Variants in JAK1 observed in about 807,000 individuals in gnomAD.
The protein encoded by JAK1 is tyrosine-protein kinase JAK1.
A neutral mutation model predicts 136.6 loss-of-function variants in JAK1; 16 were observed. That is an observed-to-expected ratio of 0.12 (90% CI 0.08 to 0.18). The LOEUF (loss-of-function observed/expected upper bound fraction) is 0.18. JAK1 is among the 10% of genes least tolerant of loss of function. JAK1 has a pLI of 1.00. For synonymous variants in JAK1, 492 were observed against 519.5 expected (o/e 0.95, Z 0.72); for missense variants, 859 against 1,450.1 (o/e 0.59, Z 6.62).
intron 1 of JAK1, among the ~76,000 whole-genome samples, chr1:64,965,075 T>C (rs1417342572): frequency 2.0e-5 from 3 of 152,194 alleles, no homozygotes; most frequent in Non-Finnish European, 2.9e-5. Context: ...CAAAATCTAC[T>C]GTGCCTATAC....
chr1:64,918,902 C>G (rs749985133), intron 1 of JAK1, among the ~76,000 whole-genome samples: 1 of 152,130 alleles, frequency 6.6e-6, no homozygotes, highest in Non-Finnish European at 1.5e-5. Flanking sequence ...TAAAGACCAT[C>G]TTGAATGGCA....
At chr1:65,043,700 A>ATTTTTTTTT (rs112982943) in intron 2 of JAK1, among the ~76,000 whole-genome samples, 4 of 101,244 alleles carry the variant, frequency 4.0e-5, no homozygotes, top group East Asian at 2.7e-4. Flanking sequence ...CACCTGGCTA[A>ATTTTTTTTT]TTTTTTTTTT....
rs528486490 is a variant in JAK1 at position 64,845,661 on chromosome 1, A to C, written c.1988-21T>G. On this transcript the variant is annotated intron_variant, in intron 14 of 24. Transcript: ENST00000342505. ...GATATCTGTAGGCATAAAAATAGCC[A>C]TGTCTGGAACCTGGTCTGTGGCACG... 31 of 1,613,870 alleles carry C rather than the reference A, an allele frequency of 1.9e-5. No individual in the cohort carries two copies. In the South Asian group the frequency reaches 3.4e-4, roughly 18 times the overall value.
chr1:64,892,530 C>T (rs140283640), intron 1 of JAK1, among the ~76,000 whole-genome samples: 4 of 152,266 alleles, frequency 2.6e-5, no homozygotes, highest in Non-Finnish European at 5.9e-5. Context: ...AGCAATCCTC[C>T]CATCTCAGCC....
intron 1 of JAK1, among the ~76,000 whole-genome samples, chr1:64,953,344 A>G (rs1288958266): frequency 2.0e-5 from 3 of 152,160 alleles, no homozygotes; most frequent in African/African-American, 7.2e-5. Flanking sequence ...TGAGAAAAAA[A>G]TAAGGCTCAA....
intron 2 of JAK1, among the ~76,000 whole-genome samples, chr1:64,997,659 C>A (rs556975195): frequency 6.6e-6 from 1 of 152,144 alleles, no homozygotes. Flanking sequence ...ACAAGGACAA[C>A]GGCATAATGG....
intron 1 of JAK1, among the ~76,000 whole-genome samples, chr1:64,926,216 C>T (rs745618219): frequency 1.3e-5 from 2 of 152,144 alleles, no homozygotes; most frequent in African/African-American, 2.4e-5. Flanking sequence ...CTCTCTCCTA[C>T]GGCCAGTGCT....
rs1654322281 is a variant in JAK1 at position 64,834,177 on chromosome 1, G to A, written c.*385C>T. 1 of 249,496 alleles carries A rather than the reference G, an allele frequency of 4.0e-6. No homozygotes were observed. Among genetic ancestry groups the A allele is most frequent in the African/African-American group, 2.2e-5 (1 of 45,670 alleles). 15.5% of individuals were successfully genotyped at this position (249,496 alleles called of 1,614,324 possible). On this transcript the variant is annotated 3_prime_UTR_variant, in exon 25 of 25. Transcript: ENST00000342505. The stretch of plus-strand genomic sequence containing the variant: ...AAACATTTCAGATCAGCTGGCAGCA[G>A]GGAAAAGCAATCATCTTCAGATATT...
intron 2 of JAK1, among the ~76,000 whole-genome samples, chr1:64,993,937 G>A (rs938539738): frequency 2.6e-5 from 4 of 152,060 alleles, no homozygotes; most frequent in Non-Finnish European, 4.4e-5. Flanking sequence ...ATGTGCCACC[G>A]CACCTGGCAC....
intron 1 of JAK1, among the ~76,000 whole-genome samples, chr1:64,941,531 T>C (rs898222456): frequency 6.6e-6 from 1 of 152,196 alleles, no homozygotes; most frequent in Non-Finnish European, 1.5e-5. Context: ...TCAACAATTA[T>C]TTCAAATTTC....
chr1:64,878,985 A>G (rs1644725957), intron 4 of JAK1, 40 bp downstream of exon 4: 2 of 1,603,034 alleles, frequency 1.2e-6, no homozygotes, highest in Non-Finnish European at 8.5e-7. Flanking sequence ...CCCTCAGTGC[A>G]GAGGGAGCCA....
At chr1:64,899,160 C>T (rs1433472306) in intron 1 of JAK1, among the ~76,000 whole-genome samples, 1 of 152,162 alleles carries the variant, frequency 6.6e-6, no homozygotes, top group African/African-American at 2.4e-5. Context: ...AGCTTAGAAA[C>T]ACTAAGTGAC....
At chr1:64,914,552 G>A (rs762407975) in intron 1 of JAK1, among the ~76,000 whole-genome samples, 8 of 152,114 alleles carry the variant, frequency 5.3e-5, no homozygotes, top group Non-Finnish European at 1.2e-4. Context: ...GGAAGTATCT[G>A]GGCAAATACA....
chr1:64,944,726 T>C (rs1391486597), intron 1 of JAK1, among the ~76,000 whole-genome samples: 5 of 152,152 alleles, frequency 3.3e-5, no homozygotes, highest in African/African-American at 7.2e-5. Flanking sequence ...TTATGCAGTA[T>C]ATAACCACCA....
At chr1:65,011,202 A>C (rs553024324) in intron 2 of JAK1, among the ~76,000 whole-genome samples, 1 of 152,304 alleles carries the variant, frequency 6.6e-6, no homozygotes, top group Non-Finnish European at 1.5e-5. Flanking sequence ...CTGGCTGGAC[A>C]CGGTGGCTTA....
At chr1:65,046,333 A>AGCTGGAG (rs1647182848) in intron 1 of JAK1, among the ~76,000 whole-genome samples, 1 of 152,236 alleles carries the variant, frequency 6.6e-6, no homozygotes. Flanking sequence ...GACACGGACA[A>AGCTGGAG]GCTGGAGGCC....
rs111876637 is a variant in JAK1 at position 64,905,096 on chromosome 1, G to A, written c.-77-18755C>T. ...ATGATCCTCTGCCTTTATTTGCCTC[G>A]GCCTTCTTGTTTTTTCCCCTTCAAC... On this transcript the variant is annotated intron_variant, in intron 1 of 24. Transcript: ENST00000342505. Among the ~76,000 whole-genome samples the A allele has an allele frequency of 6.8e-3, 1,040 of 152,104 alleles. 3 individuals carry two copies. Among genetic ancestry groups the A allele is most frequent in the Non-Finnish European group, 0.012 (782 of 67,998 alleles).
chr1:64,951,784 G>C (rs1411142513), intron 1 of JAK1, among the ~76,000 whole-genome samples: 2 of 150,110 alleles, frequency 1.3e-5, no homozygotes, highest in Non-Finnish European at 3.0e-5. Flanking sequence ...TCAGCCTCCC[G>C]AGTAGCTGGG....
chr1:65,038,544 CT>C (rs1647098630), intron 2 of JAK1, among the ~76,000 whole-genome samples: 1 of 151,984 alleles, frequency 6.6e-6, no homozygotes, highest in African/African-American at 2.4e-5. Flanking sequence ...AGGGGACCCA[CT>C]TTTTCAGTTT....
Sources: allele counts gnomAD v4.1 joint callset (sites outside exome capture counted in the v4.1 genomes callset), GRCh38; gene constraint gnomAD v4.1.1; transcripts MANE v1.5; gene names NCBI Gene and HGNC (gene_info 2026-07-23, HGNC 2026-07-21).